The following PREX2 variants were observed in gnomAD, a reference collection of about 807,000 sequenced individuals.
The protein encoded by PREX2 is phosphatidylinositol 3,4,5-trisphosphate-dependent Rac exchanger 2 protein.
Under a neutral mutation model 203.2 loss-of-function variants are expected in PREX2, and 107 were observed. The observed-to-expected ratio is 0.53, with a 90% CI of 0.45 to 0.62. The LOEUF (loss-of-function observed/expected upper bound fraction) is 0.62. PREX2 is among the 20% of genes least tolerant of loss of function. The pLI is 0.00. For missense variants in PREX2, 1,777 were observed against 1,955.9 expected (o/e 0.91, Z 1.72); for synonymous variants, 672 against 663.6 (o/e 1.01, Z -0.19).
At chr8:68,074,257 G>A (rs1271565426) in intron 14 of PREX2, among the ~76,000 whole-genome samples, 1 of 151,974 alleles carries the variant, frequency 6.6e-6, no homozygotes, top group Non-Finnish European at 1.5e-5. Context: ...GAGCTACCAC[G>A]CCCAGCCGCA....
intron 6 of PREX2, among the ~76,000 whole-genome samples, chr8:68,031,697 A>G (rs942162633): frequency 6.6e-6 from 1 of 152,170 alleles, no homozygotes; most frequent in Non-Finnish European, 1.5e-5. Context: ...GAGTGCCCTC[A>G]TATTCAGCAT....
intron 39 of PREX2, among the ~76,000 whole-genome samples, chr8:68,226,894 A>G (rs1320461355): frequency 6.6e-6 from 1 of 152,236 alleles, no homozygotes; most frequent in African/African-American, 2.4e-5. Context: ...ATTGTAATGC[A>G]TGTCCCATAC....
In PREX2 at chr8:68,192,393, G is replaced by A. The variant is rs1338552430; in HGVS notation, c.4472G>A (p.Arg1491Lys). Residue 1491 changes from arginine to lysine, a missense_variant, in exon 37 of 40, where the codon AGA (arginine) becomes AAA (lysine). Transcript: ENST00000288368. ...ELYRLVASFIRSKRTAACANT... is the reference protein window; with the variant it reads ...ELYRLVASFIKSKRTAACANT... ...TACCGACTGGTAGCCTCGTTTATCA[G>A]ATCCAAGCGCACAGCTGCCTGTGCA... 1 of 1,613,822 alleles carries A rather than the reference G, an allele frequency of 6.2e-7. No homozygotes were observed. Among genetic ancestry groups the A allele is most frequent in the Admixed American group, 1.7e-5 (1 of 59,992 alleles).
chr8:68,006,618 C>T (rs1807105326), intron 1 of PREX2, among the ~76,000 whole-genome samples: 1 of 152,146 alleles, frequency 6.6e-6, no homozygotes, highest in Admixed American at 6.5e-5. Context: ...AGACTACACC[C>T]CCCAATATTG....
chr8:68,114,091 A>T (rs1466999768), intron 25 of PREX2, among the ~76,000 whole-genome samples: 3 of 152,010 alleles, frequency 2.0e-5, no homozygotes, highest in Non-Finnish European at 4.4e-5. Context: ...CGAACTCCTG[A>T]CCTCACGTGA....
At chr8:68,079,133 C>T (rs912854614) in intron 15 of PREX2, among the ~76,000 whole-genome samples, 1 of 152,148 alleles carries the variant, frequency 6.6e-6, no homozygotes, top group African/African-American at 2.4e-5. Context: ...CCAGCCTGGA[C>T]AACATAGCAA....
intron 1 of PREX2, among the ~76,000 whole-genome samples, chr8:67,983,621 C>G (rs974071738): frequency 2.0e-5 from 3 of 152,222 alleles, no homozygotes; most frequent in Admixed American, 1.3e-4. Flanking sequence ...AAATTTCCAG[C>G]AGTATCCTCT....
chr8:68,149,652 C>T (rs1300760238), intron 34 of PREX2, among the ~76,000 whole-genome samples: 1 of 152,170 alleles, frequency 6.6e-6, no homozygotes, highest in Non-Finnish European at 1.5e-5. Context: ...GACTAAATTT[C>T]CTGATCTGTC....
At chr8:68,221,057 A>G (rs919104228) in intron 38 of PREX2, among the ~76,000 whole-genome samples, 1 of 151,958 alleles carries the variant, frequency 6.6e-6, no homozygotes, top group African/African-American at 2.4e-5. Context: ...TGTTGTTTCC[A>G]TCTTTATGTC....
intron 11 of PREX2, among the ~76,000 whole-genome samples, chr8:68,064,548 T>C (rs1327492538): frequency 6.6e-6 from 1 of 151,874 alleles, no homozygotes; most frequent in Non-Finnish European, 1.5e-5. Context: ...TGTTTTTTTT[T>C]TTTTTAATTT....
chr8:68,072,314 G>C (rs1360439882), intron 13 of PREX2, among the ~76,000 whole-genome samples, 181 bp from the exon 14 acceptor site: 1 of 152,108 alleles, frequency 6.6e-6, no homozygotes, highest in African/African-American at 2.4e-5. Flanking sequence ...GGATTTTTCA[G>C]GTGTTTTACA....
intron 35 of PREX2, among the ~76,000 whole-genome samples, chr8:68,185,856 A>G (rs1322234973): frequency 6.7e-6 from 1 of 148,556 alleles, no homozygotes; most frequent in Non-Finnish European, 1.5e-5. Context: ...TAGTAGCCAT[A>G]CTTTCAAAAT....
At chr8:68,192,105 A>T (rs1812306877) in intron 36 of PREX2, among the ~76,000 whole-genome samples, 1 of 152,192 alleles carries the variant, frequency 6.6e-6, no homozygotes, top group African/African-American at 2.4e-5. Context: ...ATTCAAATTT[A>T]CTTGGCACTG....
In PREX2 at chr8:68,231,372, A is replaced by G. The variant is rs1441577357; in HGVS notation, c.4815A>G (p.Glu1605=). 2 of 1,599,498 alleles carry G rather than the reference A, an allele frequency of 1.3e-6. No individual in the cohort carries two copies. Among genetic ancestry groups the G allele is most frequent in the East Asian group, 2.3e-5 (1 of 43,812 alleles). The change falls in exon 40 of 40, where the codon GAA becomes GAG. Residue 1605 remains glutamate (E), a synonymous_variant. Coordinates refer to ENST00000288368, the MANE Select transcript of PREX2 (RefSeq NM_024870.4). ...GCGAGCCACCTCCCCCAGCTGGAGA[A>G]GAATGAAAAGAACTCCCAAGAAACC... ...KLCEPPPPAG[E]E is the part of the protein sequence containing the mutation.
At chr8:67,987,152 CAAAAAAAAAA>C (rs57315665) in intron 1 of PREX2, among the ~76,000 whole-genome samples, 47 of 55,140 alleles carry the variant, frequency 8.5e-4, no homozygotes, top group African/African-American at 3.2e-3. Flanking sequence ...GACTTCATCT[CAAAAAAAAAA>C]AAAAAAAAAA....
intron 21 of PREX2, among the ~76,000 whole-genome samples, chr8:68,096,334 T>C (rs571238302): frequency 1.2e-4 from 18 of 152,350 alleles, no homozygotes; most frequent in African/African-American, 3.8e-4. Flanking sequence ...TTGGGCTTTG[T>C]TGTTCTAAGT....
intron 5 of PREX2, 140 bp downstream of exon 5, chr8:68,027,463 T>A: frequency 1.6e-6 from 1 of 611,860 alleles, no homozygotes; most frequent in Non-Finnish European, 2.9e-6. Context: ...GTGGCCATTT[T>A]GTCACAAATT....
intron 37 of PREX2, among the ~76,000 whole-genome samples, chr8:68,200,163 T>G (rs897917257): frequency 6.6e-6 from 1 of 152,126 alleles, no homozygotes; most frequent in African/African-American, 2.4e-5. Flanking sequence ...GAAGAAATAT[T>G]TTTTCTAGCT....
intron 32 of PREX2, among the ~76,000 whole-genome samples, chr8:68,136,999 A>G (rs944049339): frequency 2.0e-5 from 3 of 150,944 alleles, no homozygotes; most frequent in Admixed American, 2.0e-4. Context: ...TCTGGCTCCC[A>G]GGTTCAAGTG....
Sources: allele counts gnomAD v4.1 joint callset (sites outside exome capture counted in the v4.1 genomes callset), GRCh38; gene constraint gnomAD v4.1.1; transcripts MANE v1.5; gene names NCBI Gene and HGNC (gene_info 2026-07-23, HGNC 2026-07-21).